Variants in POLR1B observed in about 807,000 individuals in gnomAD.
POLR1B encodes the protein RNA polymerase I subunit B.
A neutral mutation model predicts 105.8 loss-of-function variants in POLR1B; 30 were observed. The observed-to-expected ratio is 0.28, with a 90% CI of 0.21 to 0.38. The LOEUF is 0.38. POLR1B is among the 10% of genes least tolerant of loss of function. POLR1B has a pLI of 1.00. For synonymous variants in POLR1B, 485 were observed against 505.1 expected, an observed-to-expected ratio of 0.96 and a Z score of 0.53; for missense variants, 976 against 1,435.8, an observed-to-expected ratio of 0.68 and a Z score of 5.17.
chr2:112,560,979 C>T (rs980285995), intron 9 of POLR1B, among the ~76,000 whole-genome samples: 1 of 151,852 alleles, frequency 6.6e-6, no homozygotes, highest in Non-Finnish European at 1.5e-5. Context: ...GCAGTAGAAT[C>T]ACTTGAATCC....
chr2:112,558,145 G>A (rs534041602), intron 8 of POLR1B, 64 bp downstream of exon 8: 28 of 1,211,596 alleles, frequency 2.3e-5, no homozygotes, highest in Admixed American at 6.7e-5. Context: ...AGATTTGCCT[G>A]TCCCTGAGAG....
At position 112,575,671 on chromosome 2, in the gene POLR1B, G is replaced by T; in HGVS notation, c.3350G>T (p.Arg1117Leu). Residue 1117 changes from arginine to leucine, a missense_variant, in exon 15 of 15, where the codon CGG becomes CTG. By Grantham distance (102) the Arg-to-Leu change is moderately radical. Transcript: ENST00000263331. The surrounding 1 kb of genome is among the most constrained non-coding windows in gnomAD (Gnocchi z 5.3). ...IDTVSVPYVFRYFVAELAAMN... is the reference protein window; with the variant it reads ...IDTVSVPYVFLYFVAELAAMN... ...ACTGTTTCTGTGCCTTATGTTTTTC[G>T]GTATTTTGTAGCTGAACTGGCAGCT... The T allele has an allele frequency of 6.2e-7, 1 of 1,613,914 alleles. No individual in the cohort carries two copies. The highest frequency in any genetic ancestry group is 8.5e-7 in the Non-Finnish European group (1 of 1,179,962).
upstream of POLR1B, chr2:112,542,160 CA>C: frequency 4.6e-6 from 7 of 1,535,672 alleles, no homozygotes; most frequent in Non-Finnish European, 6.1e-6. Context: ...CAATGAGAGC[CA>C]AAGAGGTCAC....
At chr2:112,549,753 A>T (rs1272938492) in intron 4 of POLR1B, among the ~76,000 whole-genome samples, 1 of 152,168 alleles carries the variant, frequency 6.6e-6, no homozygotes, top group African/African-American at 2.4e-5. Flanking sequence ...CAGTTACAAG[A>T]TGAATAAGTT....
chr2:112,563,362 A>G (rs138002083), intron 9 of POLR1B, among the ~76,000 whole-genome samples: 8 of 152,102 alleles, frequency 5.3e-5, no homozygotes, highest in East Asian at 3.9e-4. Context: ...GCCTGTGACA[A>G]TTTCTTAAAA....
chr2:112,550,733 A>G, intron 4 of POLR1B, 133 bp from the exon 5 acceptor site: 1 of 862,054 alleles, frequency 1.2e-6, no homozygotes, highest in Non-Finnish European at 1.8e-6. Flanking sequence ...AACATTTTTG[A>G]TTGCCAGTCT....
In POLR1B at chr2:112,564,597, C is replaced by T. The variant is rs62158593; in HGVS notation, c.1746+98C>T. ...TAACCCCTGGGCGGTCTAGAGTGAT[C>T]AAGTGGTCAGGGGGTCACAATGTCC... On this transcript the variant is annotated intron_variant, in intron 10 of 14. Transcript: ENST00000263331. The T allele has an allele frequency of 8.1e-3, 12,248 of 1,503,676 alleles. 70 individuals are homozygous for T. Among genetic ancestry groups the T allele is most frequent in the Non-Finnish European group, 0.01 (11,240 of 1,096,712 alleles). The allele number at this position is 1,503,676 out of a possible 1,614,324, so 93.1% of individuals were successfully genotyped here.
chr2:112,576,008 AAC>A lies in POLR1B; in HGVS notation c.*280_*281del. ...GCATACGGTGACAAGTCTCCTTTCC[AAC>A]CCCAGGTTCCCTACACCCTGCTCTC... is the stretch of plus-strand genomic sequence containing the variant. On this transcript the variant is annotated 3_prime_UTR_variant, in exon 15 of 15. Transcript: ENST00000263331. The A allele has an allele frequency of 2.5e-6, 1 of 402,208 alleles. No homozygotes were observed. Among genetic ancestry groups the A allele is most frequent in the South Asian group, 2.5e-5 (1 of 40,092 alleles). 24.9% of individuals were successfully genotyped at this position (402,208 alleles called of 1,614,324 possible). A position where few individuals can be genotyped will look rare whatever the true frequency, so the allele number is the denominator to read the frequency against.
intron 9 of POLR1B, 29 bp downstream of exon 9, chr2:112,559,603 G>A (rs1683856944): frequency 2.5e-6 from 4 of 1,592,978 alleles, no homozygotes; most frequent in South Asian, 1.1e-5. Context: ...TAAACATCTT[G>A]TTTGGTTATG....
At chr2:112,566,359 C>T (rs942909092) in intron 10 of POLR1B, among the ~76,000 whole-genome samples, 7 of 152,078 alleles carry the variant, frequency 4.6e-5, no homozygotes, top group Non-Finnish European at 1.0e-4. Flanking sequence ...ATATTTTCAC[C>T]CACTAGTTGA....
At chr2:112,542,711 C>T in intron 1 of POLR1B, 40 bp downstream of exon 1, 2 of 1,604,986 alleles carry the variant, frequency 1.2e-6, no homozygotes, top group Non-Finnish European at 1.7e-6. Flanking sequence ...CGCGGCGAGG[C>T]CAATCCCAGG....
chr2:112,569,817 C>T (rs1011213259), intron 12 of POLR1B, among the ~76,000 whole-genome samples: 2 of 151,928 alleles, frequency 1.3e-5, no homozygotes, highest in Non-Finnish European at 2.9e-5. Flanking sequence ...ACTTTGGCCT[C>T]CCAAAGTGCT....
Position 112,577,326 on chromosome 2 carries a change from C to T in POLR1B, c.*1597C>T, listed in dbSNP as rs990597493. 4.6e-5 allele frequency among the ~76,000 whole-genome samples: 7 copies of T among 152,204 alleles called. No individual in the cohort carries two copies. The highest frequency in any genetic ancestry group is 1.3e-4 in the Admixed American group (2 of 15,286). On this transcript the variant is annotated 3_prime_UTR_variant, in exon 15 of 15. Transcript: ENST00000263331. The stretch of plus-strand genomic sequence containing the variant: ...TAGGAGGCCTAGGCAGGAGCAATCA[C>T]TTGTGCCTGGGAGTTCTAGACTAGC...
At chr2:112,571,468 C>T (rs1254828448) in intron 12 of POLR1B, among the ~76,000 whole-genome samples, 1 of 152,142 alleles carries the variant, frequency 6.6e-6, no homozygotes, top group African/African-American at 2.4e-5. Flanking sequence ...TGGTTCAGTG[C>T]ATGTCACCAA....
At chr2:112,549,529 G>A (rs1683252784) in intron 4 of POLR1B, 130 bp downstream of exon 4, 1 of 707,192 alleles carries the variant, frequency 1.4e-6, no homozygotes, top group Non-Finnish European at 2.1e-6. Flanking sequence ...TAGGGATGGG[G>A]TTTCACCACG....
At chr2:112,568,161 G>A in intron 11 of POLR1B, 24 bp downstream of exon 11, 1 of 1,599,698 alleles carries the variant, frequency 6.3e-7, no homozygotes, top group Non-Finnish European at 8.6e-7. Context: ...TGTGATGGAT[G>A]AGTGTATGTG....
At chr2:112,569,922 C>T (rs1451098262) in intron 12 of POLR1B, among the ~76,000 whole-genome samples, 1 of 151,938 alleles carries the variant, frequency 6.6e-6, no homozygotes, top group Middle Eastern at 3.2e-3. Flanking sequence ...TTTTTAAAAA[C>T]ATTGCTCCTA....
At chr2:112,559,755 C>T (rs1234076290) in intron 9 of POLR1B, among the ~76,000 whole-genome samples, 181 bp downstream of exon 9, 1 of 152,038 alleles carries the variant, frequency 6.6e-6, no homozygotes, top group Non-Finnish European at 1.5e-5. Context: ...CTCAGCCTCC[C>T]GAGTAGCTGG....
chr2:112,564,094 TATAATA>T (rs908574463), intron 9 of POLR1B, among the ~76,000 whole-genome samples: 1 of 151,954 alleles, frequency 6.6e-6, no homozygotes, highest in East Asian at 1.9e-4. Flanking sequence ...CCATAACAGA[TATAATA>T]ATAATAATAT....
Sources: allele counts gnomAD v4.1 joint callset (sites outside exome capture counted in the v4.1 genomes callset), GRCh38; gene constraint gnomAD v4.1.1; non-coding constraint Gnocchi (gnomAD v3.1); transcripts MANE v1.5; gene names NCBI Gene and HGNC (gene_info 2026-07-23, HGNC 2026-07-21).